MARCHF10: variants seen among roughly 807,000 people sequenced by gnomAD.
MARCHF10 encodes membrane associated ring-CH-type finger 10.
A neutral mutation model predicts 76.2 loss-of-function variants in MARCHF10; 64 were observed. The ratio of observed to expected loss-of-function variants is 0.84; its 90% confidence interval spans 0.69 to 1.03. The LOEUF (loss-of-function observed/expected upper bound fraction) is 1.03, where lower values mean the gene tolerates loss of function less well. Ranked by LOEUF, MARCHF10 falls within the 50% of genes least tolerant of loss-of-function variation. MARCHF10 has a pLI of 0.00. For missense variants in MARCHF10, 875 were observed against 958.0 expected, an observed-to-expected ratio of 0.91 and a Z score of 1.14; for synonymous variants, 340 against 357.5, an observed-to-expected ratio of 0.95 and a Z score of 0.55.
intron 8 of MARCHF10, among the ~76,000 whole-genome samples, chr17:62,716,692 CAA>C (rs57272099): frequency 1.6e-4 from 21 of 129,848 alleles, no homozygotes; most frequent in African/African-American, 5.1e-4. Flanking sequence ...TAAACAAAAG[CAA>C]AAAAAAAAAA....
At chr17:62,790,056 C>T (rs929668753) in intron 2 of MARCHF10, among the ~76,000 whole-genome samples, 2 of 152,074 alleles carry the variant, frequency 1.3e-5, no homozygotes, top group African/African-American at 4.8e-5. Flanking sequence ...TGTTTCTTAA[C>T]AAAATTAAAA....
intron 8 of MARCHF10, among the ~76,000 whole-genome samples, chr17:62,719,448 T>C (rs1298701601): frequency 6.6e-6 from 1 of 152,200 alleles, no homozygotes; most frequent in Non-Finnish European, 1.5e-5. Flanking sequence ...ACACTGTAAA[T>C]ATTTTGTTTC....
At chr17:62,735,158 A>T (rs2091207314) in intron 6 of MARCHF10, 1 of 152,246 alleles carries the variant, frequency 6.6e-6, no homozygotes, top group African/African-American at 2.4e-5. Flanking sequence ...AATATACACA[A>T]AGAGGGCTCA....
At chr17:62,717,638 G>A (rs1161338464) in intron 8 of MARCHF10, among the ~76,000 whole-genome samples, 7 of 152,234 alleles carry the variant, frequency 4.6e-5, no homozygotes, top group South Asian at 2.1e-4. Flanking sequence ...TCTGCTGGGC[G>A]TGGTGTGACA....
intron 4 of MARCHF10, among the ~76,000 whole-genome samples, chr17:62,747,282 T>C (rs2091739310): frequency 6.6e-6 from 1 of 152,210 alleles, no homozygotes; most frequent in Non-Finnish European, 1.5e-5. Flanking sequence ...ACGCCCAAGA[T>C]GGCTTAAGAT....
intron 9 of MARCHF10, among the ~76,000 whole-genome samples, chr17:62,706,683 C>A (rs184874848): frequency 2.0e-4 from 31 of 152,286 alleles, no homozygotes; most frequent in Middle Eastern, 6.8e-3. Flanking sequence ...AGCCCCGGGG[C>A]TCCCTTCCCC....
intron 5 of MARCHF10, among the ~76,000 whole-genome samples, chr17:62,740,096 GT>G (rs1286711096): frequency 6.7e-6 from 1 of 149,618 alleles, no homozygotes; most frequent in Non-Finnish European, 1.5e-5. Context: ...GTGTGTGTGT[GT>G]TTCCCCTAAA....
chr17:62,705,885 G>A (rs974986640), intron 9 of MARCHF10, among the ~76,000 whole-genome samples: 1 of 152,158 alleles, frequency 6.6e-6, no homozygotes, highest in Non-Finnish European at 1.5e-5. Flanking sequence ...CCATTCTGAT[G>A]GTCCGAATCA....
chr17:62,750,188 G>A (rs188129955), intron 4 of MARCHF10: 1 of 152,890 alleles, frequency 6.5e-6, no homozygotes, highest in Non-Finnish European at 1.5e-5. Flanking sequence ...TGTGTGCCTT[G>A]CAAGAGTGAC....
intron 4 of MARCHF10, among the ~76,000 whole-genome samples, chr17:62,745,271 T>C (rs1045664222): frequency 6.6e-6 from 1 of 151,690 alleles, no homozygotes; most frequent in Non-Finnish European, 1.5e-5. Flanking sequence ...GCCCAGCTAA[T>C]TTTCGTATTT....
chr17:62,755,852 G>A (rs2092023863), intron 4 of MARCHF10, among the ~76,000 whole-genome samples: 1 of 152,224 alleles, frequency 6.6e-6, no homozygotes, highest in Admixed American at 6.5e-5. Flanking sequence ...TGTGGCTCAT[G>A]TCTGTAATCC....
At chr17:62,765,895 T>C (rs947584947) in intron 3 of MARCHF10, among the ~76,000 whole-genome samples, 13 of 151,944 alleles carry the variant, frequency 8.6e-5, no homozygotes, top group African/African-American at 3.1e-4. Flanking sequence ...GGCCAGGAAA[T>C]TGATAGATTT....
At chr17:62,727,311 A>G (rs2090807025) in intron 6 of MARCHF10, among the ~76,000 whole-genome samples, 1 of 152,110 alleles carries the variant, frequency 6.6e-6, no homozygotes, top group African/African-American at 2.4e-5. Context: ...GAAGAGACAG[A>G]AAAGCACAGA....
chr17:62,765,764 T>A (rs7211114), intron 3 of MARCHF10, among the ~76,000 whole-genome samples: 75,484 of 152,028 alleles, frequency 0.5, 20,288 homozygotes, highest in East Asian at 0.7. Flanking sequence ...TTCAGTTTAC[T>A]TGGTTGGTGA....
At chr17:62,750,782 G>T (rs2091873719) in intron 4 of MARCHF10, among the ~76,000 whole-genome samples, 1 of 152,224 alleles carries the variant, frequency 6.6e-6, no homozygotes, top group South Asian at 2.1e-4. Context: ...CAGATGTCGG[G>T]AAGTTCTTTT....
At chr17:62,708,713 A>C (rs2089741775) in intron 9 of MARCHF10, among the ~76,000 whole-genome samples, 2 of 152,218 alleles carry the variant, frequency 1.3e-5, no homozygotes, top group Non-Finnish European at 2.9e-5. Context: ...CCACTTCCTT[A>C]TCTGGCAAAA....
rs546274634 is a variant in MARCHF10 at position 62,736,660 on chromosome 17, C to T, written c.1208G>A (p.Trp403Ter). 4.7e-5 allele frequency: 76 copies of T among 1,614,106 alleles called. No homozygotes were observed. In the South Asian group the frequency reaches 7.8e-4, roughly 17 times the overall value. ...TTGTCTGGGCTCGGATTTGGTGTCCCACGAAAGAGGGCTCTTTTTCGCATT... is the reference window on the plus strand; with the variant it reads ...TTGTCTGGGCTCGGATTTGGTGTCCTACGAAAGAGGGCTCTTTTTCGCATT... ...SENAKKSPLS[W>*]DTKSEPRQEV... Residue 403 changes from tryptophan to a stop codon, truncating the protein, a stop_gained, in exon 6 of 11, where the codon TGG becomes TAG. Transcript: ENST00000311269. LOFTEE classifies it high-confidence loss of function.
chr17:62,757,166 G>A (rs1291091668), intron 4 of MARCHF10, among the ~76,000 whole-genome samples: 1 of 152,102 alleles, frequency 6.6e-6, no homozygotes. Context: ...TATAACACAG[G>A]AAGTTATACC....
intron 10 of MARCHF10, among the ~76,000 whole-genome samples, chr17:62,702,346 C>T (rs1395843412): frequency 6.7e-6 from 1 of 150,324 alleles, no homozygotes; most frequent in Non-Finnish European, 1.5e-5. Flanking sequence ...TGAATGCTCT[C>T]TGACAATTTA....
Sources: gnomAD v4.1 joint callset for allele counts (sites outside exome capture counted in the v4.1 genomes callset) on GRCh38, gnomAD v4.1.1 for gene constraint, MANE v1.5 for transcripts, NCBI Gene and HGNC (gene_info 2026-07-23, HGNC 2026-07-21) for gene names.